MSR1: variants seen among roughly 807,000 people sequenced by gnomAD.
MSR1 encodes the protein macrophage scavenger receptor 1.
A neutral mutation model predicts 47.2 loss-of-function variants in MSR1; 53 were observed. The observed-to-expected ratio is 1.12, with a 90% CI of 0.90 to 1.41. The LOEUF is 1.41. Among genes scored for constraint, MSR1 ranks in the 40% most tolerant of loss-of-function variants. MSR1 has a pLI of 0.00. For synonymous variants in MSR1, 239 were observed against 185.6 expected, an observed-to-expected ratio of 1.29 and a Z score of -2.34; for missense variants, 786 against 546.9, an observed-to-expected ratio of 1.44 and a Z score of -4.36.
intron 8 of MSR1, chr8:16,139,890 A>G: frequency 2.3e-6 from 1 of 435,388 alleles, no homozygotes; most frequent in Non-Finnish European, 3.0e-6. Flanking sequence ...AAATATTCTA[A>G]GGAATTAAAA....
chr8:16,173,857 G>T (rs978438893), intron 3 of MSR1, among the ~76,000 whole-genome samples: 1 of 152,112 alleles, frequency 6.6e-6, no homozygotes, highest in African/African-American at 2.4e-5. Flanking sequence ...CACCATGTTA[G>T]CCAGGATGGT....
intron 1 of MSR1, among the ~76,000 whole-genome samples, chr8:16,188,321 C>T (rs1030343702): frequency 6.6e-6 from 1 of 151,838 alleles, no homozygotes; most frequent in African/African-American, 2.4e-5. Flanking sequence ...TTTCTGTCAT[C>T]TCATCACCCT....
chr8:16,176,512 G>GAA (rs201669327), intron 2 of MSR1, among the ~76,000 whole-genome samples: 2,086 of 93,794 alleles, frequency 0.022, 56 homozygotes, highest in African/African-American at 0.07. Flanking sequence ...GTCTCAAAAA[G>GAA]AAAAAAAAAA....
intron 5 of MSR1, among the ~76,000 whole-genome samples, chr8:16,159,080 G>T (rs1009845668): frequency 5.9e-5 from 9 of 151,562 alleles, no homozygotes; most frequent in African/African-American, 2.2e-4. Context: ...GGGATTACAG[G>T]CATGAGCCAC....
chr8:16,164,567 G>T (rs1291800720), intron 4 of MSR1, among the ~76,000 whole-genome samples: 1 of 151,724 alleles, frequency 6.6e-6, no homozygotes, highest in Non-Finnish European at 1.5e-5. Flanking sequence ...AACACCATAA[G>T]GTCTTAATTT....
chr8:16,190,723 C>CTTTTTTTTTTTTT (rs772816603), intron 1 of MSR1, among the ~76,000 whole-genome samples: 21 of 145,330 alleles, frequency 1.4e-4, no homozygotes, highest in South Asian at 4.2e-4. Flanking sequence ...TTTTTTCTTT[C>CTTTTTTTTTTTTT]TTTCTTTTTG....
At chr8:16,168,248 A>C (rs1801373350) in intron 4 of MSR1, among the ~76,000 whole-genome samples, 1 of 152,186 alleles carries the variant, frequency 6.6e-6, no homozygotes, top group Non-Finnish European at 1.5e-5. Context: ...AATGGGAAAA[A>C]TTTCCCCTTT....
intron 3 of MSR1, among the ~76,000 whole-genome samples, chr8:16,173,625 T>C (rs1018657734): frequency 6.6e-6 from 1 of 152,102 alleles, no homozygotes; most frequent in Admixed American, 6.5e-5. Flanking sequence ...CTCTAGAAAA[T>C]ATTTTCCTGT....
chr8:16,124,857 T>C lies in MSR1; in HGVS notation c.1034-4251A>G, dbSNP rs117038337. On this transcript the variant is annotated intron_variant, in intron 8 of 9. Transcript: ENST00000262101. Reference sequence around the variant, plus strand: ...TGAATGGTAAGCTTCTCTTGATACATGAACTGCATTACCCAGTGAGATTAA... The same window carrying C: ...TGAATGGTAAGCTTCTCTTGATACACGAACTGCATTACCCAGTGAGATTAA... 1.6e-3 allele frequency among the ~76,000 whole-genome samples: 236 copies of C among 152,202 alleles called. 1 individual carries two copies. Among genetic ancestry groups the C allele is most frequent in the Non-Finnish European group, 2.9e-3 (196 of 68,014 alleles).
At chr8:16,159,249 G>A (rs1056373540) in intron 5 of MSR1, among the ~76,000 whole-genome samples, 3 of 151,636 alleles carry the variant, frequency 2.0e-5, no homozygotes, top group Non-Finnish European at 4.4e-5. Context: ...TATCTAAAAT[G>A]TTTCCAAATA....
intron 2 of MSR1, among the ~76,000 whole-genome samples, chr8:16,176,057 A>C (rs1801636905): frequency 6.6e-6 from 1 of 152,234 alleles, no homozygotes; most frequent in African/African-American, 2.4e-5. Flanking sequence ...AGTTGAATAC[A>C]ATGGTCATTA....
intron 3 of MSR1, among the ~76,000 whole-genome samples, chr8:16,170,542 C>T (rs916914797): frequency 3.9e-5 from 6 of 152,028 alleles, no homozygotes; most frequent in Non-Finnish European, 8.8e-5. Flanking sequence ...CCGCATTTGA[C>T]AATTATGGAA....
chr8:16,165,589 G>A (rs1277051494), intron 4 of MSR1, among the ~76,000 whole-genome samples: 1 of 151,982 alleles, frequency 6.6e-6, no homozygotes, highest in Admixed American at 6.6e-5. Flanking sequence ...GTACTCCTAT[G>A]TTCTAAAGTT....
chr8:16,163,817 C>A (rs1203246713), intron 5 of MSR1, among the ~76,000 whole-genome samples: 1 of 151,772 alleles, frequency 6.6e-6, no homozygotes, highest in Non-Finnish European at 1.5e-5. Flanking sequence ...TAGTTTTTAA[C>A]AATGAGAAAA....
intron 5 of MSR1, among the ~76,000 whole-genome samples, chr8:16,160,184 C>G (rs1801123119): frequency 6.6e-6 from 1 of 151,666 alleles, no homozygotes; most frequent in Non-Finnish European, 1.5e-5. Context: ...AAAAGGATTA[C>G]AGTCTGGGCA....
chr8:16,185,331 C>T (rs1211712698), intron 1 of MSR1, among the ~76,000 whole-genome samples: 1 of 152,160 alleles, frequency 6.6e-6, no homozygotes, highest in African/African-American at 2.4e-5. Context: ...AACCAGATCT[C>T]AATCTCAGCA....
chr8:16,120,719 T>C, intron 8 of MSR1, 113 bp from the exon 9 acceptor site: 2 of 1,265,308 alleles, frequency 1.6e-6, no homozygotes, highest in Admixed American at 5.4e-5. Flanking sequence ...TAGCACATTT[T>C]CCAAATAACT....
rs964155045 is a variant in MSR1 at position 16,143,578 on chromosome 8, T to G, written c.1013A>C (p.Lys338Thr). ...CTTACTTAATGTGTTTCCACTCCCCTTTTCCCCTTTCTGGCCTTTTGGTCC... is the reference window on the plus strand; with the variant it reads ...CTTACTTAATGTGTTTCCACTCCCCGTTTCCCCTTTCTGGCCTTTTGGTCC... ...NSGPKGQKGE[K>T]GSGNTLTPFT... Residue 338 changes from lysine to threonine, a missense_variant, in exon 8 of 10, where the codon AAG (lysine) becomes ACG (threonine). Coordinates refer to ENST00000262101, the MANE Select transcript of MSR1 (RefSeq NM_138715.3). 6.2e-7 allele frequency: 1 copy of G among 1,611,836 alleles called. No homozygotes were observed. Among genetic ancestry groups the G allele is most frequent in the Non-Finnish European group, 8.5e-7 (1 of 1,178,418 alleles).
chr8:16,123,467 G>T (rs1800053796), intron 8 of MSR1, among the ~76,000 whole-genome samples: 1 of 151,828 alleles, frequency 6.6e-6, no homozygotes, highest in Admixed American at 6.6e-5. Context: ...TCACAAAGAT[G>T]TAAAGAATGT....
Sources: gnomAD v4.1 joint callset for allele counts (sites outside exome capture counted in the v4.1 genomes callset) on GRCh38, gnomAD v4.1.1 for gene constraint, MANE v1.5 for transcripts, NCBI Gene and HGNC (gene_info 2026-07-23, HGNC 2026-07-21) for gene names.